The following RGL1 variants were observed in gnomAD, a reference collection of about 807,000 sequenced individuals.
The protein encoded by RGL1 is ral guanine nucleotide dissociation stimulator like 1.
A neutral mutation model predicts 95.2 loss-of-function variants in RGL1; 24 were observed. That is an observed-to-expected ratio of 0.25 (90% CI 0.18 to 0.35). The LOEUF (loss-of-function observed/expected upper bound fraction) is 0.35. RGL1 is among the 10% of genes least tolerant of loss of function. The probability of loss-of-function intolerance (pLI) is 1.00; values close to 1 mark genes in which losing one functional copy is unlikely to be tolerated. For missense variants in RGL1, 715 were observed against 936.3 expected (o/e 0.76, Z 3.08); for synonymous variants, 329 against 344.9 (o/e 0.95, Z 0.51).
At chr1:183,882,252 A>G (rs1323955652) in intron 5 of RGL1, among the ~76,000 whole-genome samples, 1 of 152,248 alleles carries the variant, frequency 6.6e-6, no homozygotes, top group Non-Finnish European at 1.5e-5. Context: ...ATCTTCATGC[A>G]CAGCAACATT....
At chr1:183,677,219 T>C (rs1174679) in intron 1 of RGL1, among the ~76,000 whole-genome samples, 45,026 of 150,012 alleles carry the variant, frequency 0.3, 7,145 homozygotes, top group Middle Eastern at 0.37. Flanking sequence ...TTTTCCTCAG[T>C]TGTGTGCCAT....
intron 2 of RGL1, among the ~76,000 whole-genome samples, chr1:183,807,943 C>T (rs1469951878): frequency 2.6e-5 from 4 of 152,266 alleles, no homozygotes; most frequent in East Asian, 1.9e-4. Flanking sequence ...TTAAATGTGG[C>T]GTCCATGTGG....
At chr1:183,842,823 C>T (rs926315835) in intron 2 of RGL1, among the ~76,000 whole-genome samples, 7 of 152,218 alleles carry the variant, frequency 4.6e-5, no homozygotes. Context: ...TTCAAAGTTA[C>T]TAAGATAATA....
At chr1:183,820,487 C>G (rs1662399087) in intron 2 of RGL1, among the ~76,000 whole-genome samples, 1 of 152,070 alleles carries the variant, frequency 6.6e-6, no homozygotes, top group Non-Finnish European at 1.5e-5. Flanking sequence ...CCTGATAGCA[C>G]CATATGAGAT....
intron 3 of RGL1, among the ~76,000 whole-genome samples, chr1:183,862,797 C>G (rs894580488): frequency 6.6e-6 from 1 of 152,140 alleles, no homozygotes; most frequent in Non-Finnish European, 1.5e-5. Context: ...GTGCCAGGCA[C>G]TAAAGAGTTG....
intron 16 of RGL1, among the ~76,000 whole-genome samples, chr1:183,920,158 C>T (rs985489128): frequency 1.3e-5 from 2 of 152,096 alleles, no homozygotes; most frequent in Non-Finnish European, 2.9e-5. Context: ...CCTCAGCCTC[C>T]TGAGTAGCTG....
chr1:183,816,416 T>C (rs1299603395), intron 2 of RGL1, among the ~76,000 whole-genome samples: 1 of 152,196 alleles, frequency 6.6e-6, no homozygotes, highest in Non-Finnish European at 1.5e-5. Context: ...CTACATGAGA[T>C]AAAGATAAAA....
intron 16 of RGL1, among the ~76,000 whole-genome samples, chr1:183,920,175 C>T (rs1464642941): frequency 6.6e-6 from 1 of 152,058 alleles, no homozygotes; most frequent in African/African-American, 2.4e-5. Flanking sequence ...GCTGGGATTA[C>T]AGGCACCCAC....
At chr1:183,708,991 T>C (rs1300545648) in intron 1 of RGL1, among the ~76,000 whole-genome samples, 1 of 152,154 alleles carries the variant, frequency 6.6e-6, no homozygotes, top group Admixed American at 6.5e-5. Context: ...TGTTTTAATG[T>C]GTGCCTGGGT....
At chr1:183,836,469 A>T (rs1174839787) in intron 2 of RGL1, among the ~76,000 whole-genome samples, 2 of 150,742 alleles carry the variant, frequency 1.3e-5, no homozygotes, top group Non-Finnish European at 2.9e-5. Context: ...GGGTTTCTCC[A>T]TGTTGGCCAG....
chr1:183,675,229 T>C (rs543786395), intron 1 of RGL1, among the ~76,000 whole-genome samples: 1 of 152,168 alleles, frequency 6.6e-6, no homozygotes, highest in South Asian at 2.1e-4. Flanking sequence ...AAAGTAGAGC[T>C]TTAGACTTTA....
intron 1 of RGL1, among the ~76,000 whole-genome samples, chr1:183,697,628 A>T (rs143397433): frequency 6.6e-6 from 1 of 152,342 alleles, no homozygotes; most frequent in East Asian, 1.9e-4. Flanking sequence ...TGAGATAGTC[A>T]ATCCAGATAC....
At chr1:183,710,259 C>T (rs551878178) in intron 1 of RGL1, 17 of 170,950 alleles carry the variant, frequency 9.9e-5, no homozygotes, top group Non-Finnish European at 1.3e-4. Context: ...CTGCCTCCCC[C>T]GCACCCCCAC....
rs150841387 is a variant in RGL1, at chr1:183,874,246, G to A, written c.426-6370G>A. Among the ~76,000 whole-genome samples the A allele has an allele frequency of 2.5e-3, 375 of 152,312 alleles. 2 individuals carry two copies. Among genetic ancestry groups the A allele is most frequent in the Non-Finnish European group, 3.8e-3 (257 of 68,022 alleles). ...TAAGGAACATGTCCAAGGCTACACA[G>A]TGAATAAATGAAAGAGCTGGGATTT... On this transcript the variant is annotated intron_variant, in intron 4 of 17. Transcript: ENST00000360851.
At chr1:183,782,372 A>C (rs1423035931) in intron 2 of RGL1, among the ~76,000 whole-genome samples, 4 of 152,252 alleles carry the variant, frequency 2.6e-5, no homozygotes, top group Admixed American at 6.5e-5. Context: ...CAGTGCGTTC[A>C]TCAGGGAAAT....
chr1:183,907,245 G>A, intron 14 of RGL1, 144 bp downstream of exon 14: 1 of 625,100 alleles, frequency 1.6e-6, no homozygotes, highest in Non-Finnish European at 2.9e-6. Flanking sequence ...CTTCTGTCAT[G>A]AACTCAAAGC....
chr1:183,860,588 C>T (rs1665452841), intron 3 of RGL1, among the ~76,000 whole-genome samples: 1 of 152,160 alleles, frequency 6.6e-6, no homozygotes, highest in Non-Finnish European at 1.5e-5. Context: ...ATCTGCAGGG[C>T]CCACTTCCTC....
At chr1:183,820,201 A>G (rs1277088870) in intron 2 of RGL1, among the ~76,000 whole-genome samples, 2 of 152,180 alleles carry the variant, frequency 1.3e-5, no homozygotes, top group African/African-American at 4.8e-5. Flanking sequence ...GTTCACAGGC[A>G]CACATTTTAA....
chr1:183,679,558 T>C (rs1653069679), intron 1 of RGL1, among the ~76,000 whole-genome samples: 1 of 149,550 alleles, frequency 6.7e-6, no homozygotes, highest in Non-Finnish European at 1.5e-5. Flanking sequence ...TCCTTTTTTA[T>C]GGCTGCATAG....
Sources: gnomAD v4.1 joint callset for allele counts (sites outside exome capture counted in the v4.1 genomes callset) on GRCh38, gnomAD v4.1.1 for gene constraint, MANE v1.5 for transcripts, NCBI Gene and HGNC (gene_info 2026-07-23, HGNC 2026-07-21) for gene names.